Variants in FBXL17 observed in about 807,000 individuals in gnomAD.
The protein encoded by FBXL17 is F-box and leucine rich repeat protein 17, also known as F-box/LRR-repeat protein 17.
In FBXL17, 22 loss-of-function variants were observed where a neutral mutation model predicts 66.2. The observed-to-expected ratio is 0.33, with a 90% CI of 0.24 to 0.47. The LOEUF (loss-of-function observed/expected upper bound fraction) is 0.47. Ranked by LOEUF, FBXL17 falls within the 20% of genes least tolerant of loss-of-function variation. The pLI is 1.00. For missense variants in FBXL17, 878 were observed against 948.2 expected (o/e 0.93, Z 0.97); for synonymous variants, 474 against 400.5 (o/e 1.18, Z -2.19).
intron 4 of FBXL17, among the ~76,000 whole-genome samples, chr5:108,301,209 T>C (rs1028520480): frequency 7.9e-5 from 12 of 151,726 alleles, no homozygotes; most frequent in African/African-American, 2.9e-4. Flanking sequence ...GGTGCTCAGT[T>C]TTCTATTACC....
intron 5 of FBXL17, among the ~76,000 whole-genome samples, chr5:108,210,035 C>G (rs544190715): frequency 2.6e-5 from 4 of 152,244 alleles, no homozygotes; most frequent in Non-Finnish European, 5.9e-5. Flanking sequence ...CTCATTTAGA[C>G]TTGGGAGGGT....
intron 7 of FBXL17, among the ~76,000 whole-genome samples, chr5:107,990,580 C>G (rs950252373): frequency 6.6e-6 from 1 of 151,966 alleles, no homozygotes; most frequent in Non-Finnish European, 1.5e-5. Flanking sequence ...ACAATAACAA[C>G]TAATAATAAA....
At chr5:108,299,806 C>A in intron 4 of FBXL17, 1 of 984,756 alleles carries the variant, frequency 1.0e-6, no homozygotes, top group South Asian at 4.7e-5. Flanking sequence ...ATAGCGTGGA[C>A]ACAATAACAC....
intron 6 of FBXL17, among the ~76,000 whole-genome samples, chr5:108,163,948 C>A (rs1020332041): frequency 5.3e-5 from 8 of 152,086 alleles, no homozygotes; most frequent in Non-Finnish European, 1.0e-4. Flanking sequence ...TAAAACCTGG[C>A]AATAAACTAT....
intron 6 of FBXL17, among the ~76,000 whole-genome samples, chr5:108,171,647 T>G (rs962210447): frequency 1.3e-5 from 2 of 152,206 alleles, no homozygotes; most frequent in African/African-American, 4.8e-5. Context: ...AAACAACTCT[T>G]ACTTGCTCAC....
intron 4 of FBXL17, among the ~76,000 whole-genome samples, chr5:108,270,327 G>A (rs1324165296): frequency 1.3e-5 from 2 of 151,720 alleles, no homozygotes; most frequent in Non-Finnish European, 2.9e-5. Context: ...GAGAAAGGCT[G>A]TTTCCTCCAT....
chr5:107,895,076 C>T (rs1477563606), intron 7 of FBXL17, among the ~76,000 whole-genome samples: 1 of 151,988 alleles, frequency 6.6e-6, no homozygotes, highest in African/African-American at 2.4e-5. Flanking sequence ...ATGTTTCTGT[C>T]TTTTGTAACC....
chr5:107,884,829 G>A (rs1748911427), intron 7 of FBXL17, among the ~76,000 whole-genome samples: 1 of 152,160 alleles, frequency 6.6e-6, no homozygotes, highest in Admixed American at 6.5e-5. Context: ...TGAGATGACA[G>A]ATGTAAGGGA....
At position 108,134,867 on chromosome 5, in the gene FBXL17, A is replaced by G. The variant is rs1751075754; in HGVS notation, c.1745+51250T>C. Among the ~76,000 whole-genome samples, 3 of 152,144 alleles carry G rather than the reference A, an allele frequency of 2.0e-5. 1 individual carries two copies. The South Asian group carries it at 6.2e-4, about 31-fold the overall frequency. ...CACTTACAAATTAAGTCTTTCCTGC[A>G]TTTGCTTTTCTTTCTCTTCCTTATT... On this transcript the variant is annotated intron_variant, in intron 6 of 8. Coordinates refer to ENST00000542267, the MANE Select transcript of FBXL17 (RefSeq NM_001163315.3).
rs572791394 is a variant in FBXL17, at chr5:107,985,351, T to C, written c.1822+35574A>G. On this transcript the variant is annotated intron_variant, in intron 7 of 8. Coordinates refer to ENST00000542267, the MANE Select transcript of FBXL17 (RefSeq NM_001163315.3). ...ATGATTAGTCCTTGTACTGCTGGCA[T>C]TGGGCTGATATGGCATGTGGCCAAG... 8.5e-5 allele frequency among the ~76,000 whole-genome samples: 13 copies of C among 152,368 alleles called. No homozygotes were observed. In the East Asian group the frequency reaches 1.9e-3, roughly 23 times the overall value.
chr5:107,953,177 C>T (rs376524546), intron 7 of FBXL17, among the ~76,000 whole-genome samples: 60 of 151,968 alleles, frequency 3.9e-4, no homozygotes, highest in Middle Eastern at 3.4e-3. Context: ...CCAAGGTGGG[C>T]GGATCACGAG....
At chr5:108,240,214 T>TTAGGCC (rs1216596855) in intron 4 of FBXL17, among the ~76,000 whole-genome samples, 1 of 152,154 alleles carries the variant, frequency 6.6e-6, no homozygotes, top group African/African-American at 2.4e-5. Flanking sequence ...GCAGCTTAGG[T>TTAGGCC]ACCAGTTAGG....
At chr5:108,240,496 T>C (rs1580674997) in intron 4 of FBXL17, among the ~76,000 whole-genome samples, 1 of 151,224 alleles carries the variant, frequency 6.6e-6, no homozygotes, top group African/African-American at 2.4e-5. Context: ...GTAGGAAGAG[T>C]GGGAAAAACT....
chr5:108,236,858 C>G (rs1199685736), intron 4 of FBXL17, among the ~76,000 whole-genome samples: 3 of 152,172 alleles, frequency 2.0e-5, no homozygotes, highest in African/African-American at 7.2e-5. Context: ...AAAGTAATCT[C>G]CTTAGACTAG....
At chr5:108,347,326 C>A (rs1475415700) in intron 4 of FBXL17, among the ~76,000 whole-genome samples, 27 of 152,164 alleles carry the variant, frequency 1.8e-4, no homozygotes. Flanking sequence ...TACAGGACCA[C>A]TACTGTATAT....
chr5:108,179,394 A>C (rs1308414363), intron 6 of FBXL17, among the ~76,000 whole-genome samples: 1 of 152,178 alleles, frequency 6.6e-6, no homozygotes, highest in Admixed American at 6.5e-5. Context: ...GTCACTCTAC[A>C]ACTTTCACCT....
intron 4 of FBXL17, among the ~76,000 whole-genome samples, chr5:108,284,617 T>C (rs923189249): frequency 6.6e-6 from 1 of 151,792 alleles, no homozygotes; most frequent in Admixed American, 6.6e-5. Flanking sequence ...GTTATTAGGG[T>C]GATGGATACC....
At chr5:108,340,835 G>A (rs1453812593) in intron 4 of FBXL17, among the ~76,000 whole-genome samples, 3 of 152,042 alleles carry the variant, frequency 2.0e-5, no homozygotes, top group Non-Finnish European at 2.9e-5. Context: ...ACACTAGGAG[G>A]GATGAATAAA....
At chr5:107,909,063 T>C (rs1413596955) in intron 7 of FBXL17, among the ~76,000 whole-genome samples, 1 of 152,140 alleles carries the variant, frequency 6.6e-6, no homozygotes, top group Non-Finnish European at 1.5e-5. Flanking sequence ...TAAATGAACA[T>C]AAATAGATGT....
Sources: gnomAD v4.1 joint callset for allele counts (sites outside exome capture counted in the v4.1 genomes callset) on GRCh38, gnomAD v4.1.1 for gene constraint, MANE v1.5 for transcripts, NCBI Gene and HGNC (gene_info 2026-07-23, HGNC 2026-07-21) for gene names.